The following HSD17B12 variants were observed in gnomAD, a reference collection of about 807,000 sequenced individuals.
The protein encoded by HSD17B12 is hydroxysteroid 17-beta dehydrogenase 12.
HSD17B12 carries 32 observed loss-of-function variants against 39.3 expected under a neutral mutation model. That is an observed-to-expected ratio of 0.81 (90% CI 0.61 to 1.09). The LOEUF (loss-of-function observed/expected upper bound fraction) is 1.09. Among genes scored for constraint, HSD17B12 ranks in the 50% least tolerant of loss-of-function variants. The pLI, the probability that HSD17B12 is intolerant of heterozygous loss-of-function variation, is 0.00. For missense variants in HSD17B12, 342 were observed against 382.9 expected (o/e 0.89, Z 0.89); for synonymous variants, 150 against 146.7 (o/e 1.02, Z -0.16).
At chr11:43,573,360 T>C in the HSD17B12 span, among the ~76,000 whole-genome samples, 1 of 151,994 alleles carries the variant, frequency 6.6e-6, no homozygotes, top group Non-Finnish European at 1.5e-5. Flanking sequence ...GCTATGGAGG[T>C]CTAACTTTCT....
chr11:43,570,555 C>T, the HSD17B12 span, among the ~76,000 whole-genome samples: 17 of 152,292 alleles, frequency 1.1e-4, no homozygotes, highest in Non-Finnish European at 1.5e-5. Context: ...GCTGATGAGT[C>T]AGATCCACCC....
chr11:43,663,784 C>T, the HSD17B12 span, among the ~76,000 whole-genome samples: 3 of 152,188 alleles, frequency 2.0e-5, no homozygotes. Context: ...CAAGGAGTAT[C>T]AGGCAGTGCA....
chr11:43,650,235 G>A, the HSD17B12 span, among the ~76,000 whole-genome samples: 181 of 152,208 alleles, frequency 1.2e-3, 1 homozygote, highest in Non-Finnish European at 2.2e-3. Flanking sequence ...TCTACAATAA[G>A]TAAGGAGTTT....
the HSD17B12 span, among the ~76,000 whole-genome samples, chr11:43,599,819 A>G: frequency 3.3e-5 from 5 of 152,200 alleles, no homozygotes; most frequent in Non-Finnish European, 7.4e-5. Context: ...ATTTTTAAAC[A>G]AAATTATTAC....
intron 3 of HSD17B12, among the ~76,000 whole-genome samples, chr11:43,768,056 C>T (rs1466703232): frequency 6.6e-6 from 1 of 152,160 alleles, no homozygotes; most frequent in East Asian, 1.9e-4. Context: ...GGGGAGAGAC[C>T]AACTCACATC....
chr11:43,654,025 T>G, the HSD17B12 span, among the ~76,000 whole-genome samples: 1 of 152,162 alleles, frequency 6.6e-6, no homozygotes. Flanking sequence ...TGTAAAAGTG[T>G]TCCTATTTCT....
chr11:43,855,476 A>C lies in HSD17B12; in HGVS notation c.*228A>C. ...AAGTTTAATATAAATGCTCATATCA[A>C]ATGAATATAGAACTAATATTGTCGG... On this transcript the variant is annotated 3_prime_UTR_variant, in exon 11 of 11. Coordinates refer to ENST00000278353, the MANE Select transcript of HSD17B12 (RefSeq NM_016142.3). 1 of 284,858 alleles carries C rather than the reference A, an allele frequency of 3.5e-6. No homozygotes were observed. The highest frequency in any genetic ancestry group is 6.5e-6 in the Non-Finnish European group (1 of 154,064). 17.6% of individuals were successfully genotyped at this position (284,858 alleles called of 1,614,324 possible). A position where few individuals can be genotyped will look rare whatever the true frequency, so the allele number is the denominator to read the frequency against.
intron 3 of HSD17B12, among the ~76,000 whole-genome samples, chr11:43,782,666 C>A (rs1179418360): frequency 3.7e-5 from 5 of 135,706 alleles, no homozygotes; most frequent in African/African-American, 1.3e-4. Context: ...CAGAGAGAGA[C>A]TCTGTCTCAA....
chr11:43,738,751 G>T (rs1950338558), intron 1 of HSD17B12, among the ~76,000 whole-genome samples: 1 of 152,172 alleles, frequency 6.6e-6, no homozygotes, highest in African/African-American at 2.4e-5. Context: ...GACAGACCCT[G>T]CTCTTACAGA....
intron 1 of HSD17B12, among the ~76,000 whole-genome samples, chr11:43,699,320 A>C (rs1162032795): frequency 1.3e-5 from 2 of 152,042 alleles, no homozygotes; most frequent in African/African-American, 4.8e-5. Context: ...GCTTTTTATT[A>C]TTCTCTTTTT....
chr11:43,638,147 T>C, the HSD17B12 span, among the ~76,000 whole-genome samples: 1 of 152,178 alleles, frequency 6.6e-6, no homozygotes, highest in African/African-American at 2.4e-5. Flanking sequence ...TATTCCAGTT[T>C]CTCTGGATCA....
chr11:43,557,179 C>T, the HSD17B12 span, among the ~76,000 whole-genome samples: 1 of 152,088 alleles, frequency 6.6e-6, no homozygotes. Flanking sequence ...GGAAGACAGT[C>T]CTCTGTTGTT....
intron 4 of HSD17B12, among the ~76,000 whole-genome samples, chr11:43,813,290 T>A (rs12271702): frequency 3.8e-3 from 576 of 152,016 alleles, no homozygotes; most frequent in African/African-American, 0.012. Flanking sequence ...AGATTTTTTT[T>A]AAAAAAAATG....
chr11:43,750,063 T>G (rs1247307449), intron 1 of HSD17B12, among the ~76,000 whole-genome samples: 6 of 152,176 alleles, frequency 3.9e-5, no homozygotes, highest in Admixed American at 3.9e-4. Flanking sequence ...ATTTTCTATT[T>G]ACTTTTACTA....
chr11:43,687,367 A>G (rs1029513988), intron 1 of HSD17B12, among the ~76,000 whole-genome samples: 7 of 152,232 alleles, frequency 4.6e-5, no homozygotes, highest in Admixed American at 1.3e-4. Context: ...AGACCTTATA[A>G]TAGTCCAATG....
chr11:43,558,093 A>G, the HSD17B12 span, among the ~76,000 whole-genome samples: 1 of 152,132 alleles, frequency 6.6e-6, no homozygotes, highest in East Asian at 1.9e-4. Flanking sequence ...TCCTGAGAAG[A>G]TTAGTTTTGA....
At chr11:43,563,855 C>A in the HSD17B12 span, among the ~76,000 whole-genome samples, 530 of 152,146 alleles carry the variant, frequency 3.5e-3, 6 homozygotes, top group African/African-American at 0.012. Flanking sequence ...TCCCAGTGGT[C>A]ATTAGTAATA....
intron 4 of HSD17B12, among the ~76,000 whole-genome samples, chr11:43,812,109 T>C (rs1951078775): frequency 6.6e-6 from 1 of 152,242 alleles, no homozygotes; most frequent in Admixed American, 6.5e-5. Context: ...TTTTTCTTTA[T>C]CTATTTATTT....
At chr11:43,621,481 G>A in the HSD17B12 span, among the ~76,000 whole-genome samples, 9 of 152,112 alleles carry the variant, frequency 5.9e-5, no homozygotes, top group Non-Finnish European at 7.4e-5. Context: ...TTGGGAGGCC[G>A]AGGTGGGAGG....
Sources: gnomAD v4.1 joint callset for allele counts (sites outside exome capture counted in the v4.1 genomes callset) on GRCh38, gnomAD v4.1.1 for gene constraint, MANE v1.5 for transcripts, NCBI Gene and HGNC (gene_info 2026-07-23, HGNC 2026-07-21) for gene names.